Variants in CDH18 observed in about 807,000 individuals in gnomAD.
The protein encoded by CDH18 is cadherin 18, also known as cadherin-18.
A neutral mutation model predicts 67.9 loss-of-function variants in CDH18; 31 were observed. The observed-to-expected ratio is 0.46, with a 90% CI of 0.34 to 0.62. The LOEUF is 0.62. Among genes scored for constraint, CDH18 ranks in the 20% least tolerant of loss-of-function variants. The pLI, the probability that CDH18 is intolerant of heterozygous loss-of-function variation, is 0.01. For missense variants in CDH18, 890 were observed against 975.5 expected, an observed-to-expected ratio of 0.91 and a Z score of 1.17; for synonymous variants, 362 against 347.2, an observed-to-expected ratio of 1.04 and a Z score of -0.48.
chr5:20,348,913 AG>A, intron 1 of CDH18, among the ~76,000 whole-genome samples: 1 of 152,290 alleles, frequency 6.6e-6, no homozygotes, highest in Admixed American at 6.5e-5. Flanking sequence ...TTTTGATATA[AG>A]GTCCAGAAGC....
chr5:19,808,832 C>CAAAAAAAAAAAAAA (rs1173922790), intron 3 of CDH18, among the ~76,000 whole-genome samples: 1 of 53,936 alleles, frequency 1.9e-5, no homozygotes, highest in Non-Finnish European at 3.2e-5. Flanking sequence ...AACTCTGTCT[C>CAAAAAAAAAAAAAA]AAAAAAAAAA....
intron 5 of CDH18, among the ~76,000 whole-genome samples, chr5:19,675,414 C>T (rs993373340): frequency 4.6e-5 from 7 of 152,082 alleles, no homozygotes; most frequent in Admixed American, 1.3e-4. Flanking sequence ...TAACGACAAA[C>T]GTAAAAGACA....
intron 1 of CDH18, among the ~76,000 whole-genome samples, chr5:20,328,287 G>T (rs1037823374): frequency 5.9e-5 from 9 of 152,260 alleles, no homozygotes; most frequent in Non-Finnish European, 1.3e-4. Flanking sequence ...AGGTGAGAAG[G>T]GATGAAGGCA....
intron 1 of CDH18, among the ~76,000 whole-genome samples, chr5:20,422,703 C>G (rs1466514937): frequency 6.6e-6 from 1 of 150,972 alleles, no homozygotes; most frequent in African/African-American, 2.5e-5. Context: ...CATTCATAAC[C>G]TTAATCACAA....
intron 1 of CDH18, among the ~76,000 whole-genome samples, chr5:20,280,746 T>C (rs1330370324): frequency 6.6e-6 from 1 of 152,190 alleles, no homozygotes; most frequent in African/African-American, 2.4e-5. Context: ...CTGGGTCAAA[T>C]GGTATTTCTA....
At chr5:19,490,356 T>C (rs1366464723) in intron 11 of CDH18, among the ~76,000 whole-genome samples, 1 of 150,180 alleles carries the variant, frequency 6.7e-6, no homozygotes, top group Non-Finnish European at 1.5e-5. Context: ...ATAAAATTAG[T>C]TTTTTTTATA....
intron 2 of CDH18, among the ~76,000 whole-genome samples, chr5:20,146,841 G>A (rs1027501455): frequency 6.6e-5 from 10 of 151,790 alleles, no homozygotes; most frequent in Admixed American, 1.3e-4. Context: ...ATATAATAAA[G>A]AACAATGATT....
intron 2 of CDH18, among the ~76,000 whole-genome samples, chr5:20,026,709 TA>T (rs1180961325): frequency 2.0e-5 from 3 of 152,078 alleles, no homozygotes; most frequent in African/African-American, 7.2e-5. Flanking sequence ...TAGCTTCACA[TA>T]ATAAAATTTA....
At chr5:20,084,610 C>T (rs1294062943) in intron 2 of CDH18, among the ~76,000 whole-genome samples, 1 of 152,202 alleles carries the variant, frequency 6.6e-6, no homozygotes, top group African/African-American at 2.4e-5. Context: ...CATGAGAGCC[C>T]TGTCCCTGTA....
chr5:20,126,114 G>A (rs1396575578), intron 2 of CDH18, among the ~76,000 whole-genome samples: 1 of 152,094 alleles, frequency 6.6e-6, no homozygotes, highest in Non-Finnish European at 1.5e-5. Flanking sequence ...CAAAAGACAG[G>A]CATACAGATT....
rs1053453928 is a variant in CDH18, at chr5:19,796,240, G to C, written c.228+42519C>G. 3.9e-4 allele frequency among the ~76,000 whole-genome samples: 59 copies of C among 151,902 alleles called. 1 individual carries two copies. The highest frequency in any genetic ancestry group is 4.4e-5 in the Non-Finnish European group (3 of 67,956). On this transcript the variant is annotated intron_variant, in intron 3 of 12. Transcript: ENST00000382275. Reference sequence around the variant, plus strand: ...CAAGAAGCTGAGAGAATTCCAAACAGGTTAAATTCAAACAAATCCACAACA... The same window carrying C: ...CAAGAAGCTGAGAGAATTCCAAACACGTTAAATTCAAACAAATCCACAACA...
chr5:20,574,557 T>C (rs981841875), intron 1 of CDH18, among the ~76,000 whole-genome samples: 1 of 152,018 alleles, frequency 6.6e-6, no homozygotes, highest in Non-Finnish European at 1.5e-5. Flanking sequence ...ATTCTTTCTG[T>C]CACAATGTTT....
intron 1 of CDH18, among the ~76,000 whole-genome samples, chr5:20,458,633 G>C (rs61376115): frequency 0.27 from 40,809 of 151,568 alleles, 5,824 homozygotes; most frequent in East Asian, 0.39. Flanking sequence ...ACAACAACAA[G>C]AACAACAAAA....
intron 5 of CDH18, among the ~76,000 whole-genome samples, chr5:19,709,305 T>C (rs1474765920): frequency 6.6e-6 from 1 of 152,140 alleles, no homozygotes; most frequent in Non-Finnish European, 1.5e-5. Context: ...CGGTGGCTCA[T>C]GCTTATAATC....
chr5:20,256,304 A>G (rs1053054574), intron 1 of CDH18, among the ~76,000 whole-genome samples: 4 of 152,060 alleles, frequency 2.6e-5, no homozygotes, highest in Non-Finnish European at 5.9e-5. Context: ...CAAAAGCAGG[A>G]GCATAAGAAT....
intron 2 of CDH18, among the ~76,000 whole-genome samples, chr5:20,034,352 A>G (rs1245318524): frequency 6.6e-6 from 1 of 152,030 alleles, no homozygotes; most frequent in Non-Finnish European, 1.5e-5. Flanking sequence ...GCTTGTTTTT[A>G]TGCAAATTCC....
At chr5:19,602,714 A>C (rs1045823539) in intron 6 of CDH18, among the ~76,000 whole-genome samples, 2 of 152,038 alleles carry the variant, frequency 1.3e-5, no homozygotes, top group Non-Finnish European at 2.9e-5. Flanking sequence ...CTGTAATCCT[A>C]GCATTTTGGG....
At chr5:20,417,730 G>A (rs995420836) in intron 1 of CDH18, among the ~76,000 whole-genome samples, 2 of 152,096 alleles carry the variant, frequency 1.3e-5, no homozygotes, top group African/African-American at 4.8e-5. Flanking sequence ...ATGGTGCACT[G>A]TATCATCAGT....
At chr5:20,315,600 A>G (rs1358020170) in intron 1 of CDH18, among the ~76,000 whole-genome samples, 1 of 151,958 alleles carries the variant, frequency 6.6e-6, no homozygotes, top group East Asian at 1.9e-4. Flanking sequence ...CCTCCAACTC[A>G]CTATACTGCA....
Sources: gnomAD v4.1 joint callset for allele counts (sites outside exome capture counted in the v4.1 genomes callset) on GRCh38, gnomAD v4.1.1 for gene constraint, MANE v1.5 for transcripts, NCBI Gene and HGNC (gene_info 2026-07-23, HGNC 2026-07-21) for gene names.